Variants in KAZN observed in about 807,000 individuals in gnomAD.
KAZN encodes kazrin.
A neutral mutation model predicts 87.4 loss-of-function variants in KAZN; 40 were observed. The ratio of observed to expected loss-of-function variants is 0.46; its 90% CI spans 0.36 to 0.60. KAZN has a LOEUF of 0.60. Among genes scored for constraint, KAZN ranks in the 20% least tolerant of loss-of-function variants. The pLI is 0.00. For missense variants in KAZN, 898 were observed against 1,073.9 expected, an observed-to-expected ratio of 0.84 and a Z score of 2.29; for synonymous variants, 466 against 458.3, an observed-to-expected ratio of 1.02 and a Z score of -0.22.
chr1:14,220,718 T>C (rs1647078017), intron 2 of KAZN, among the ~76,000 whole-genome samples: 1 of 152,214 alleles, frequency 6.6e-6, no homozygotes, highest in Non-Finnish European at 1.5e-5. Context: ...CTTACTAGCT[T>C]AACATGAACA....
Position 14,756,671 on chromosome 1 carries a change from G to T in KAZN, c.226+157448G>T, listed in dbSNP as rs528091036. Among the ~76,000 whole-genome samples, 390 of 152,346 alleles carry T rather than the reference G, an allele frequency of 2.6e-3. 1 individual carries two copies. Among genetic ancestry groups the T allele is most frequent in the African/African-American group, 8.8e-3 (364 of 41,580 alleles). On this transcript the variant is annotated intron_variant, in intron 1 of 14. Coordinates refer to ENST00000376030, the MANE Select transcript of KAZN (RefSeq NM_201628.3). ...CTCGGACACCACTAGGTTCTGAAAT[G>T]AAACCAGAGCAGCCTAACTTCATCT...
chr1:13,925,423 T>C (rs1224831904), intron 1 of KAZN, among the ~76,000 whole-genome samples: 1 of 152,082 alleles, frequency 6.6e-6, no homozygotes, highest in Non-Finnish European at 1.5e-5. Context: ...GTATGGGTGG[T>C]TGGAAAAGGC....
intron 1 of KAZN, among the ~76,000 whole-genome samples, chr1:14,150,864 C>A (rs61777763): frequency 6.6e-6 from 1 of 151,984 alleles, no homozygotes; most frequent in Admixed American, 6.6e-5. Flanking sequence ...AATTGAATAA[C>A]TAATGTATAT....
At chr1:14,910,099 C>A (rs1657087684) in intron 1 of KAZN, among the ~76,000 whole-genome samples, 1 of 125,256 alleles carries the variant, frequency 8.0e-6, no homozygotes, top group African/African-American at 2.6e-5. Context: ...GAATGCCTGG[C>A]CCTGCCCTAA....
At chr1:14,549,457 C>G (rs1049797594) in intron 2 of KAZN, among the ~76,000 whole-genome samples, 1 of 152,016 alleles carries the variant, frequency 6.6e-6, no homozygotes, top group African/African-American at 2.4e-5. Flanking sequence ...ACTTCTGGGC[C>G]CCCCCTTATC....
intron 1 of KAZN, among the ~76,000 whole-genome samples, chr1:14,084,961 AGTGTATGT>A (rs951858579): frequency 4.5e-4 from 69 of 152,168 alleles, no homozygotes; most frequent in Non-Finnish European, 2.2e-4. Context: ...TGCATGTATG[AGTGTATGT>A]GTGTATGTGT....
chr1:14,652,281 C>G (rs914208842), intron 1 of KAZN, among the ~76,000 whole-genome samples: 1 of 152,140 alleles, frequency 6.6e-6, no homozygotes, highest in Non-Finnish European at 1.5e-5. Context: ...GATATTTTTA[C>G]CCAATTTGCT....
Position 13,930,000 on chromosome 1 carries a change from G to A in KAZN, c.91+36244G>A, listed in dbSNP as rs555024191. ...GCCAGAATTTGAACTCAGGCAATCA[G>A]TCTTTAGAGTCTAACGCTTAACCAT... On this transcript the variant is annotated intron_variant, in intron 1 of 16. Coordinates refer to the KAZN transcript ENST00000636203. Among the ~76,000 whole-genome samples, 33 of 152,296 alleles carry A rather than the reference G, an allele frequency of 2.2e-4. 1 individual carries two copies. The highest frequency in any genetic ancestry group is 7.9e-4 in the African/African-American group (33 of 41,562).
At chr1:15,068,884 TACAG>T (rs1383995287) in intron 8 of KAZN, among the ~76,000 whole-genome samples, 3 of 152,034 alleles carry the variant, frequency 2.0e-5, no homozygotes, top group Non-Finnish European at 4.4e-5. Context: ...AGCTATGTAA[TACAG>T]ACACGATGCC....
intron 4 of KAZN, among the ~76,000 whole-genome samples, chr1:15,047,823 A>G (rs1389804191): frequency 6.6e-6 from 1 of 151,498 alleles, no homozygotes; most frequent in Non-Finnish European, 1.5e-5. Flanking sequence ...GCCCGGGGGG[A>G]TGGTGCACTC....
chr1:14,234,810 G>A (rs1195067022), intron 2 of KAZN, among the ~76,000 whole-genome samples: 2 of 152,200 alleles, frequency 1.3e-5, no homozygotes, highest in Non-Finnish European at 2.9e-5. Flanking sequence ...GCAACCTTTT[G>A]GCAAAGCAGG....
At chr1:14,440,731 G>T (rs995313124) in intron 2 of KAZN, among the ~76,000 whole-genome samples, 1 of 152,186 alleles carries the variant, frequency 6.6e-6, no homozygotes, top group African/African-American at 2.4e-5. Flanking sequence ...GTGCTCTTCT[G>T]TTTTGGCAGA....
intron 2 of KAZN, among the ~76,000 whole-genome samples, chr1:14,467,385 C>T (rs1434638186): frequency 6.8e-6 from 1 of 147,230 alleles, no homozygotes; most frequent in Non-Finnish European, 1.5e-5. Context: ...ATCTATTTAA[C>T]ACAAAAGAAG....
chr1:15,039,359 T>C (rs371119530), intron 3 of KAZN, among the ~76,000 whole-genome samples: 3 of 152,082 alleles, frequency 2.0e-5, no homozygotes, highest in Non-Finnish European at 2.9e-5. Context: ...CCAGAGCTCA[T>C]AGGACTGGGC....
intron 1 of KAZN, among the ~76,000 whole-genome samples, chr1:13,974,921 T>C (rs903404226): frequency 1.3e-5 from 2 of 152,092 alleles, no homozygotes; most frequent in Non-Finnish European, 2.9e-5. Flanking sequence ...CTCTTTTTTA[T>C]ATCCGCCCTT....
chr1:14,828,091 A>G (rs1330407421), intron 1 of KAZN, among the ~76,000 whole-genome samples: 1 of 152,224 alleles, frequency 6.6e-6, no homozygotes, highest in African/African-American at 2.4e-5. Flanking sequence ...TACACAATCA[A>G]TCACCGAATT....
At chr1:15,049,892 C>T (rs539932405) in intron 4 of KAZN, among the ~76,000 whole-genome samples, 44 of 152,118 alleles carry the variant, frequency 2.9e-4, no homozygotes, top group Admixed American at 5.9e-4. Context: ...GGCATGATGG[C>T]AGGCGCCTGT....
At chr1:14,157,032 G>A (rs1330147753) in intron 1 of KAZN, among the ~76,000 whole-genome samples, 4 of 151,122 alleles carry the variant, frequency 2.6e-5, no homozygotes, top group Non-Finnish European at 5.9e-5. Context: ...AGGTTACCAT[G>A]AGACTTGCAA....
chr1:14,173,887 G>A (rs1646011176), intron 1 of KAZN, among the ~76,000 whole-genome samples: 1 of 152,152 alleles, frequency 6.6e-6, no homozygotes. Context: ...TGGAAAGAAT[G>A]TTCCTACAAA....
Sources: gnomAD v4.1 joint callset for allele counts (sites outside exome capture counted in the v4.1 genomes callset) on GRCh38, gnomAD v4.1.1 for gene constraint, MANE v1.5 for transcripts, NCBI Gene and HGNC (gene_info 2026-07-23, HGNC 2026-07-21) for gene names.